Variants in RNF213 observed in about 807,000 individuals in gnomAD.
RNF213 encodes ring finger protein 213.
Under a neutral mutation model 514.4 loss-of-function variants are expected in RNF213, and 341 were observed. The ratio of observed to expected loss-of-function variants is 0.66; its 90% CI spans 0.61 to 0.73. RNF213 has a LOEUF of 0.73. Ranked by LOEUF, RNF213 falls within the 30% of genes least tolerant of loss-of-function variation. The pLI, the probability that RNF213 is intolerant of heterozygous loss-of-function variation, is 0.00. For synonymous variants in RNF213, 2,655 were observed against 2,658.2 expected (o/e 1.00, Z 0.04); for missense variants, 5,767 against 6,615.6 (o/e 0.87, Z 4.45).
intron 67 of RNF213, among the ~76,000 whole-genome samples, chr17:80,392,062 C>T (rs2080497156): frequency 6.6e-6 from 1 of 152,026 alleles, no homozygotes; most frequent in South Asian, 2.1e-4. Context: ...GCCACTGCGC[C>T]CGGCCTGTCC....
intron 3 of RNF213, among the ~76,000 whole-genome samples, chr17:80,286,093 C>T (rs535636279): frequency 6.6e-6 from 1 of 152,324 alleles, no homozygotes; most frequent in Admixed American, 6.5e-5. Flanking sequence ...TCTCCTCTGT[C>T]CACACCCAAA....
chr17:80,340,320 T>C lies in RNF213; in HGVS notation c.5953T>C (p.Cys1985Arg). The change falls in exon 26 of 68, where the codon TGT becomes CGT. Residue 1985 changes from cysteine to arginine, a missense_variant. Physicochemically the swap from Cys to Arg is radical, Grantham distance 180 (BLOSUM62 -3). Transcript: ENST00000582970. ...GGCAGCCGTGTTCAATGACCGGCTG[T>C]GTGTTGGGATCGTGGCCTCGGAGCG... ...SAAAVFNDRL[C>R]VGIVASERAG... The C allele has an allele frequency of 2.5e-6, 4 of 1,613,626 alleles. No individual in the cohort carries two copies. The highest frequency in any genetic ancestry group is 3.4e-6 in the Non-Finnish European group (4 of 1,179,984).
intron 24 of RNF213, 26 bp downstream of exon 24, chr17:80,337,752 A>AGCTGC: frequency 6.5e-7 from 1 of 1,537,214 alleles, no homozygotes; most frequent in Non-Finnish European, 8.7e-7. Flanking sequence ...CCCTCGGCGC[A>AGCTGC]GCTGCGGCCC....
intron 11 of RNF213, among the ~76,000 whole-genome samples, chr17:80,304,997 CATA>C (rs1162642806): frequency 6.6e-6 from 1 of 152,162 alleles, no homozygotes; most frequent in Non-Finnish European, 1.5e-5. Context: ...TTTCACTGAG[CATA>C]ATGTCAAGAT....
chr17:80,392,441 G>A (rs1362998247), intron 67 of RNF213, among the ~76,000 whole-genome samples: 2 of 152,176 alleles, frequency 1.3e-5, no homozygotes, highest in African/African-American at 4.8e-5. Context: ...AGGGCCTAAA[G>A]TCATGTGAAG....
At chr17:80,372,860 G>A in intron 48 of RNF213, 115 bp from the exon 49 acceptor site, 1 of 1,372,512 alleles carries the variant, frequency 7.3e-7, no homozygotes, top group Non-Finnish European at 1.0e-6. Context: ...CTCTCCCCTG[G>A]ATGTGTTTCT....
At chr17:80,333,711 A>C (rs1791322830) in intron 21 of RNF213, 1 of 169,910 alleles carries the variant, frequency 5.9e-6, no homozygotes, top group Non-Finnish European at 1.3e-5. Flanking sequence ...AAAAACCAAA[A>C]AAAAAACCTG....
chr17:80,387,920 C>T (rs1326702994), intron 63 of RNF213, among the ~76,000 whole-genome samples: 6 of 152,058 alleles, frequency 3.9e-5, no homozygotes, highest in South Asian at 2.1e-4. Context: ...CGGTACCACC[C>T]GCAACTGGGC....
chr17:80,349,956 G>A (rs768064041), intron 30 of RNF213, 50 bp downstream of exon 30: 40 of 1,609,618 alleles, frequency 2.5e-5, no homozygotes, highest in South Asian at 3.3e-5. Context: ...AGCCGCAGCC[G>A]TGTGGCTTCT....
chr17:80,278,932 G>A lies in RNF213; in HGVS notation c.261+5528G>A, dbSNP rs1046066102. 17 of 1,536,642 alleles carry A rather than the reference G, an allele frequency of 1.1e-5. No individual in the cohort carries two copies. The African/African-American group carries it at 2.3e-4, about 21-fold the overall frequency. On this transcript the variant is annotated intron_variant, in intron 3 of 67. Transcript: ENST00000582970. The stretch of plus-strand genomic sequence containing the variant: ...GCAGGTAGTCCGAGTCAATAGTTTG[G>A]GCAGAATGCTCCCTGCCCTGGTGCA...
Position 80,317,728 on chromosome 17 carries a change from T to C in RNF213, c.2901+451T>C, listed in dbSNP as rs1182526090. ...AACCCCCGAAGCTCCAGAGGGCATGTTACAGTGCTCTCTTAGCTCCGCCGT... is the reference window on the plus strand; with the variant it reads ...AACCCCCGAAGCTCCAGAGGGCATGCTACAGTGCTCTCTTAGCTCCGCCGT... On this transcript the variant is annotated intron_variant, in intron 16 of 67. Transcript: ENST00000582970. The surrounding 1 kb of genome is among the most constrained non-coding windows in gnomAD (Gnocchi z 4.1). Among the ~76,000 whole-genome samples the C allele has an allele frequency of 6.6e-6, 1 of 152,166 alleles. No individual in the cohort carries two copies. Among genetic ancestry groups the C allele is most frequent in the African/African-American group, 2.4e-5 (1 of 41,442 alleles).
At chr17:80,391,492 G>C (rs1244601179) in intron 67 of RNF213, among the ~76,000 whole-genome samples, 7 of 152,074 alleles carry the variant, frequency 4.6e-5, no homozygotes, top group South Asian at 2.1e-4. Flanking sequence ...GGCTGGTCTC[G>C]AGCTCCTGAC....
chr17:80,265,044 GT>G (rs55814957), intron 2 of RNF213, among the ~76,000 whole-genome samples: 475 of 110,832 alleles, frequency 4.3e-3, no homozygotes, highest in Non-Finnish European at 5.1e-3. Flanking sequence ...ATGTTTGTTT[GT>G]TTTTTTTTTT....
At chr17:80,352,292 T>C (rs1393148478) in intron 32 of RNF213, 1 of 202,990 alleles carries the variant, frequency 4.9e-6, no homozygotes, top group Non-Finnish European at 1.0e-5. Flanking sequence ...CTGATTACCA[T>C]GAAAACATGA....
rs1302247048 is a variant in RNF213 at position 80,298,376 on chromosome 17, A to C, written c.2068A>C (p.Thr690Pro). 6 of 1,614,122 alleles carry C rather than the reference A, an allele frequency of 3.7e-6. No homozygotes were observed. Among genetic ancestry groups the C allele is most frequent in the Non-Finnish European group, 5.1e-6 (6 of 1,180,038 alleles). Residue 690 changes from threonine to proline, a missense_variant, in exon 11 of 68, where the codon ACC becomes CCC. By Grantham distance (38) the Thr-to-Pro change is conservative. Transcript: ENST00000582970. ...AAGATGCATGGACACAAGGACGTAC[A>C]CCTGGCTGGGCGCCCTGCCTGTCCT... ...CQRCMDTRTY[T>P]WLGALPVLHC...
rs2080182693 is a variant in RNF213, at chr17:80,385,164, C to T, written c.14448C>T (p.His4816=). ...CCATCAGAGGCTTCCTCAGCAAGCA[C>T]AGCTCAGGTGTGGCTCTGCTCTGAC... The part of the protein sequence containing the change: ...YSSIRGFLSK[H]SSDGLRQLLH... The change falls in exon 60 of 68, where the codon CAC becomes CAT. Residue 4816 remains histidine (H), a synonymous_variant. Coordinates refer to ENST00000582970, the MANE Select transcript of RNF213 (RefSeq NM_001256071.3). 2.5e-6 allele frequency: 4 copies of T among 1,614,168 alleles called. No homozygotes were observed. Among genetic ancestry groups the T allele is most frequent in the Non-Finnish European group, 1.7e-6 (2 of 1,180,040 alleles).
At chr17:80,319,797 C>T (rs2046077627) in intron 17 of RNF213, 17 of 1,229,214 alleles carry the variant, frequency 1.4e-5, no homozygotes, top group Non-Finnish European at 1.6e-5. Context: ...CTCCCAGGAA[C>T]AGTCTCGCAG....
At chr17:80,376,834 G>C in intron 52 of RNF213, 48 bp from the exon 53 acceptor site, 1 of 1,521,780 alleles carries the variant, frequency 6.6e-7, no homozygotes, top group Non-Finnish European at 9.1e-7. Flanking sequence ...CAGCACCCAG[G>C]TGACAAGCTC....
chr17:80,361,274 C>A (rs2079045256), intron 38 of RNF213, among the ~76,000 whole-genome samples: 1 of 152,156 alleles, frequency 6.6e-6, no homozygotes, highest in African/African-American at 2.4e-5. Flanking sequence ...TTCACAACAC[C>A]TTGGGAGGCC....
Sources: allele counts gnomAD v4.1 joint callset (sites outside exome capture counted in the v4.1 genomes callset), GRCh38; gene constraint gnomAD v4.1.1; non-coding constraint Gnocchi (gnomAD v3.1); transcripts MANE v1.5; gene names NCBI Gene and HGNC (gene_info 2026-07-23, HGNC 2026-07-21).